Variants in PPFIA1 observed in about 807,000 individuals in gnomAD.
PPFIA1 encodes the protein liprin-alpha-1.
Under a neutral mutation model 149.9 loss-of-function variants are expected in PPFIA1, and 25 were observed. The observed-to-expected ratio is 0.17, with a 90% CI of 0.12 to 0.23. The LOEUF is 0.23. Among genes scored for constraint, PPFIA1 ranks in the 10% least tolerant of loss-of-function variants. The pLI, the probability that PPFIA1 is intolerant of heterozygous loss-of-function variation, is 1.00. For missense variants in PPFIA1, 1,362 were observed against 1,506.5 expected (o/e 0.90, Z 1.59); for synonymous variants, 549 against 552.8 (o/e 0.99, Z 0.10).
intron 6 of PPFIA1, 56 bp from the exon 7 acceptor site, chr11:70,326,541 T>A: frequency 6.9e-7 from 1 of 1,444,982 alleles, no homozygotes; most frequent in Non-Finnish European, 9.5e-7. Context: ...GGAAGTATTT[T>A]TATTTTATAG....
intron 2 of PPFIA1, among the ~76,000 whole-genome samples, chr11:70,319,441 T>C (rs924970962): frequency 4.6e-5 from 7 of 152,208 alleles, no homozygotes; most frequent in African/African-American, 1.7e-4. Context: ...TTAGGCTCTT[T>C]CTTTTCTCTA....
At chr11:70,277,854 A>G (rs1270313490) in intron 2 of PPFIA1, among the ~76,000 whole-genome samples, 1 of 151,730 alleles carries the variant, frequency 6.6e-6, no homozygotes, top group East Asian at 2.0e-4. Context: ...TGGATAATGA[A>G]TTGTCATTTT....
At chr11:70,340,793 A>G (rs1365988214) in intron 14 of PPFIA1, among the ~76,000 whole-genome samples, 1 of 151,226 alleles carries the variant, frequency 6.6e-6, no homozygotes, top group Non-Finnish European at 1.5e-5. Context: ...TTCGTAGTTC[A>G]CAGCTCCTGT....
intron 9 of PPFIA1, chr11:70,332,905 C>G (rs769496540): frequency 2.5e-6 from 1 of 403,540 alleles, no homozygotes; most frequent in Admixed American, 2.6e-5. Flanking sequence ...CCTGTTCCTT[C>G]TAGCAAGTTT....
intron 2 of PPFIA1, among the ~76,000 whole-genome samples, chr11:70,291,863 A>G (rs1247219949): frequency 7.8e-6 from 1 of 127,558 alleles, no homozygotes; most frequent in Non-Finnish European, 1.6e-5. Flanking sequence ...TTTTTGAGAC[A>G]GTCTTGCTCT....
intron 7 of PPFIA1, among the ~76,000 whole-genome samples, chr11:70,328,411 A>C (rs1196846571): frequency 6.6e-6 from 1 of 152,178 alleles, no homozygotes; most frequent in Non-Finnish European, 1.5e-5. Context: ...ACATGATCTC[A>C]TTCTGTTTTA....
intron 14 of PPFIA1, 29 bp downstream of exon 14, chr11:70,339,335 T>C (rs1243108778): frequency 6.3e-7 from 1 of 1,598,124 alleles, no homozygotes; most frequent in South Asian, 1.1e-5. Context: ...ATACCTCTGC[T>C]TACGTGAAAG....
chr11:70,279,592 G>A (rs1206072124), intron 2 of PPFIA1, among the ~76,000 whole-genome samples: 1 of 133,538 alleles, frequency 7.5e-6, no homozygotes, highest in Non-Finnish European at 1.6e-5. Context: ...TTTTTTTTTT[G>A]AGATGGAGTT....
At chr11:70,291,216 A>C (rs748486696) in intron 2 of PPFIA1, among the ~76,000 whole-genome samples, 29 of 152,184 alleles carry the variant, frequency 1.9e-4, no homozygotes, top group Non-Finnish European at 2.5e-4. Context: ...TGCTGTGAGG[A>C]AGCTAGTGCA....
At chr11:70,380,893 G>A (rs1041028998) in intron 26 of PPFIA1, among the ~76,000 whole-genome samples, 2 of 151,940 alleles carry the variant, frequency 1.3e-5, no homozygotes, top group Non-Finnish European at 2.9e-5. Context: ...GAGTGCAGTG[G>A]CTCAGTCTCG....
At chr11:70,357,931 G>A (rs559232739) in intron 19 of PPFIA1, among the ~76,000 whole-genome samples, 24 of 152,226 alleles carry the variant, frequency 1.6e-4, no homozygotes, top group African/African-American at 5.8e-4. Context: ...TTGGCCCTGT[G>A]AAACTTAATG....
intron 16 of PPFIA1, among the ~76,000 whole-genome samples, chr11:70,352,155 G>T (rs937866090): frequency 1.3e-5 from 2 of 152,204 alleles, no homozygotes; most frequent in African/African-American, 4.8e-5. Context: ...TCTGTGAGCT[G>T]CTCTGTTGAG....
At chr11:70,347,847 C>T (rs1046263236) in intron 15 of PPFIA1, among the ~76,000 whole-genome samples, 1 of 151,500 alleles carries the variant, frequency 6.6e-6, no homozygotes, top group Non-Finnish European at 1.5e-5. Context: ...ACTAAAAATA[C>T]GAAAAATTAG....
intron 19 of PPFIA1, among the ~76,000 whole-genome samples, 177 bp downstream of exon 19, chr11:70,356,431 G>A (rs935500134): frequency 7.2e-5 from 11 of 152,106 alleles, no homozygotes; most frequent in South Asian, 2.1e-4. Flanking sequence ...GTGAAATTTC[G>A]AAGAAACTCA....
In PPFIA1 at chr11:70,310,729, T is replaced by C. The variant is rs148706584; in HGVS notation, c.265-13673T>C. ...ACTAAGGGCTTTTTTCCTCTTTTTC[T>C]CTTCCAAATGAAAACCCCACTCTGT... On this transcript the variant is annotated intron_variant, in intron 2 of 27. Transcript: ENST00000253925. 3.6e-3 allele frequency among the ~76,000 whole-genome samples: 555 copies of C among 152,290 alleles called. 3 individuals carry two copies. Among genetic ancestry groups the C allele is most frequent in the African/African-American group, 0.013 (527 of 41,556 alleles).
intron 11 of PPFIA1, among the ~76,000 whole-genome samples, 187 bp downstream of exon 11, chr11:70,335,881 A>G (rs527256666): frequency 6.6e-6 from 1 of 152,346 alleles, no homozygotes; most frequent in African/African-American, 2.4e-5. Context: ...TGCTAAGTCC[A>G]TGCCCCATTT....
At chr11:70,342,533 A>G (rs1015892985) in intron 14 of PPFIA1, among the ~76,000 whole-genome samples, 4 of 152,170 alleles carry the variant, frequency 2.6e-5, no homozygotes, top group Non-Finnish European at 5.9e-5. Context: ...ATACACTGCC[A>G]TTCTTGAGGT....
At position 70,348,311 on chromosome 11, in the gene PPFIA1, C is replaced by G. The variant is rs1269221095; in HGVS notation, c.2054C>G (p.Pro685Arg). ...FRSMSSIPPY[P>R]ASSLASSSPP... ...TCAATGAGCTCCATTCCCCCCTACCCTGCTTCCTCGCTTGCTAGCTCCTCC... is the reference window on the plus strand; with the variant it reads ...TCAATGAGCTCCATTCCCCCCTACCGTGCTTCCTCGCTTGCTAGCTCCTCC... The change falls in exon 16 of 28, where the codon CCT becomes CGT. Residue 685 changes from proline (P) to arginine (R), a missense_variant. Pro to Arg is a moderately radical substitution (Grantham distance 103). Around this residue, in one of 7 missense-constraint regions of PPFIA1, gnomAD observed 733 missense variants for 744.1 expected, o/e 0.99. Transcript: ENST00000253925. The G allele has an allele frequency of 4.3e-6, 7 of 1,614,078 alleles. No homozygotes were observed. The African/African-American group carries it at 8.0e-5, about 18-fold the overall frequency.
chr11:70,382,931 C>T (rs2057763580), intron 27 of PPFIA1, 72 bp from the exon 28 acceptor site: 2 of 355,910 alleles, frequency 5.6e-6, no homozygotes, highest in African/African-American at 2.3e-5. Flanking sequence ...TGGGCCCCAG[C>T]ATCAGAAGTT....
Sources: allele counts gnomAD v4.1 joint callset (sites outside exome capture counted in the v4.1 genomes callset), GRCh38; gene constraint gnomAD v4.1.1; regional missense constraint gnomAD v4.1.1; transcripts MANE v1.5; gene names NCBI Gene and HGNC (gene_info 2026-07-23, HGNC 2026-07-21).